Variants in LRP2 observed in about 807,000 individuals in gnomAD.
LRP2 encodes the protein low-density lipoprotein receptor-related protein 2.
In LRP2, 172 loss-of-function variants were observed where a neutral mutation model predicts 531.0. The observed-to-expected ratio is 0.32, with a 90% confidence interval of 0.29 to 0.37. The LOEUF (loss-of-function observed/expected upper bound fraction) is 0.37, where lower values mean the gene tolerates loss of function less well. Ranked by LOEUF, LRP2 falls within the 10% of genes least tolerant of loss-of-function variation. The pLI is 1.00. For synonymous variants in LRP2, 1,992 were observed against 2,027.6 expected, an observed-to-expected ratio of 0.98 and a Z score of 0.47; for missense variants, 5,167 against 5,868.3, an observed-to-expected ratio of 0.88 and a Z score of 3.90.
In LRP2 at chr2:169,173,909, A is replaced by G. The variant is rs890796156; in HGVS notation, c.11014+10T>C. 44 of 1,614,040 alleles carry G rather than the reference A, an allele frequency of 2.7e-5. No individual in the cohort carries two copies. The highest frequency in any genetic ancestry group is 3.3e-5 in the Non-Finnish European group (39 of 1,180,010). ...TCTGGTCATGCCTTGGTCCTCCCAC[A>G]GGAACTTACTGCATTCTTCAATGGG... On this transcript the variant is annotated intron_variant, in intron 56 of 78. Transcript: ENST00000649046.
chr2:169,217,412 G>A (rs564858569), intron 34 of LRP2, among the ~76,000 whole-genome samples: 1 of 152,094 alleles, frequency 6.6e-6, no homozygotes, highest in East Asian at 1.9e-4. Flanking sequence ...TTTCTTCCTT[G>A]CTTTAACTTT....
chr2:169,142,596 T>G, intron 71 of LRP2, 78 bp downstream of exon 71: 1 of 1,597,032 alleles, frequency 6.3e-7, no homozygotes, highest in Admixed American at 1.7e-5. Flanking sequence ...GGACCCAGCA[T>G]ACAGGGATTC....
chr2:169,152,742 A>G, intron 67 of LRP2, 57 bp downstream of exon 67: 1 of 1,592,746 alleles, frequency 6.3e-7, no homozygotes, highest in Non-Finnish European at 8.6e-7. Context: ...GGAGTGCAGT[A>G]GAGAACTCTA....
chr2:169,149,226 C>T (rs1686035174), intron 68 of LRP2, among the ~76,000 whole-genome samples: 2 of 152,208 alleles, frequency 1.3e-5, no homozygotes, highest in Admixed American at 6.5e-5. Context: ...AGCTGGCACA[C>T]AGCAAGAATA....
chr2:169,266,883 C>CTTTTTTTTTTTT (rs56044761), intron 16 of LRP2, among the ~76,000 whole-genome samples: 1 of 96,262 alleles, frequency 1.0e-5, no homozygotes, highest in Non-Finnish European at 2.1e-5. Context: ...CGTTTGTAAC[C>CTTTTTTTTTTTT]TTTTTTTTTT....
intron 61 of LRP2, among the ~76,000 whole-genome samples, chr2:169,166,344 A>G (rs1256755144): frequency 6.6e-6 from 1 of 152,208 alleles, no homozygotes; most frequent in East Asian, 1.9e-4. Context: ...ACTATGAAAC[A>G]TCTACTGGGG....
chr2:169,153,092 T>A (rs1414477163), intron 66 of LRP2, 128 bp from the exon 67 acceptor site: 9 of 849,446 alleles, frequency 1.1e-5, no homozygotes. Flanking sequence ...GTTGTTATAA[T>A]ATGAATAATT....
rs374477855 is a variant in LRP2, at chr2:169,168,105, C to G, written c.11635+434G>C. 2.8e-5 allele frequency among the ~76,000 whole-genome samples: 4 copies of G among 140,802 alleles called. No homozygotes were observed. In the East Asian group the frequency reaches 8.3e-4, roughly 29 times the overall value. The allele number at this position is 140,802 out of a possible 152,430, so 92.4% of individuals were successfully genotyped here. A position where few individuals can be genotyped will look rare whatever the true frequency, so the allele number is the denominator to read the frequency against. ...GAATTACCATGTTAAAAGGAAGTGACTGTAAAGATTAAGAAAGTCTTAGCA... is the reference window on the plus strand; with the variant it reads ...GAATTACCATGTTAAAAGGAAGTGAGTGTAAAGATTAAGAAAGTCTTAGCA... On this transcript the variant is annotated intron_variant, in intron 61 of 78. Coordinates refer to ENST00000649046, the MANE Select transcript of LRP2 (RefSeq NM_004525.3).
rs1688394113 is a variant in LRP2 at position 169,206,524 on chromosome 2, C to T, written c.7196G>A (p.Arg2399Lys). The T allele has an allele frequency of 6.2e-7, 1 of 1,614,064 alleles. No homozygotes were observed. The highest frequency in any genetic ancestry group is 1.3e-5 in the African/African-American group (1 of 74,906). ...GTTTTCAGGGTCCAAGTGTAAGCTT[C>T]TCAAGGAATTAGACAAGGCAAAGAT... ...FLIFALSNSL[R>K]SLHLDPENHS... The change falls in exon 39 of 79, where the codon AGA becomes AAA. Residue 2399 changes from arginine (R) to lysine (K), a missense_variant. By Grantham distance (26) the Arg-to-Lys change is conservative (BLOSUM62 2). Transcript: ENST00000649046.
At chr2:169,203,284 C>T (rs549748418) in intron 42 of LRP2, among the ~76,000 whole-genome samples, 1 of 152,204 alleles carries the variant, frequency 6.6e-6, no homozygotes, top group African/African-American at 2.4e-5. Flanking sequence ...CAATGAAGCA[C>T]ATATGATCCC....
chr2:169,225,506 A>C (rs1689169570), intron 32 of LRP2, 53 bp from the exon 33 acceptor site: 2 of 1,604,578 alleles, frequency 1.2e-6, no homozygotes, highest in Admixed American at 3.3e-5. Context: ...GGCTCCTACA[A>C]AAGAACCCTT....
chr2:169,204,343 G>C, intron 41 of LRP2, 72 bp from the exon 42 acceptor site: 1 of 1,355,972 alleles, frequency 7.4e-7, no homozygotes, highest in Non-Finnish European at 1.0e-6. Context: ...GCAGCCCAAT[G>C]CATGCGCCTC....
intron 27 of LRP2, 125 bp from the exon 28 acceptor site, chr2:169,237,412 A>AT (rs1474385624): frequency 2.6e-6 from 2 of 775,406 alleles, no homozygotes; most frequent in Non-Finnish European, 4.3e-6. Context: ...GGATTAGAAA[A>AT]TTTTGTCTCC....
intron 1 of LRP2, among the ~76,000 whole-genome samples, chr2:169,327,086 G>A (rs1298963091): frequency 6.7e-6 from 1 of 149,512 alleles, no homozygotes; most frequent in East Asian, 2.0e-4. Context: ...GAGGGAGGTG[G>A]GGGGGTCAGC....
At position 169,235,992 on chromosome 2, in the gene LRP2, T is replaced by C. The variant is rs778427168; in HGVS notation, c.4768A>G (p.Thr1590Ala). Residue 1590 changes from threonine (T) to alanine (A), a missense_variant, in exon 29 of 79, where the codon ACT (threonine) becomes GCT (alanine). Around this residue, in one of 6 missense-constraint regions of LRP2, gnomAD observed 2,811 missense variants for 3,058.0 expected, o/e 0.92. Transcript: ENST00000649046. The part of the protein sequence containing the change: ...ERASMDGSMR[T>A]VIVQDKIFWP... ...AAGATCTTGTCCTGGACAATGACAG[T>C]GCGCATGCTGCCGTCCATGCTGGCT... is the stretch of plus-strand genomic sequence containing the variant. 7 of 1,614,168 alleles carry C rather than the reference T, an allele frequency of 4.3e-6. No individual in the cohort carries two copies. The highest frequency in any genetic ancestry group is 5.1e-6 in the Non-Finnish European group (6 of 1,180,034).
At chr2:169,152,701 A>T in intron 67 of LRP2, 98 bp downstream of exon 67, 1 of 1,389,102 alleles carries the variant, frequency 7.2e-7, no homozygotes, top group Non-Finnish European at 1.0e-6. Context: ...GAGTGTACTC[A>T]TATCCAGGCC....
At position 169,188,008 on chromosome 2, in the gene LRP2, A is replaced by G. The variant is rs892125029; in HGVS notation, c.9290T>C (p.Leu3097Pro). The G allele has an allele frequency of 2.5e-6, 4 of 1,613,822 alleles. No individual in the cohort carries two copies. The highest frequency in any genetic ancestry group is 3.4e-6 in the Non-Finnish European group (4 of 1,179,984). ...ATCGCTGTTGTCCAAACAGTCATCT[A>G]GGTGGTTGCAGAGTTTCATCATCTC... ...CIEMMKLCNH[L>P]DDCLDNSDEK... Residue 3097 changes from leucine (L) to proline (P), a missense_variant, in exon 49 of 79, where the codon CTA becomes CCA. Physicochemically the swap from Leu to Pro is moderately conservative, Grantham distance 98. Transcript: ENST00000649046.
At chr2:169,280,320 T>C in intron 11 of LRP2, 30 bp downstream of exon 11, 2 of 1,613,352 alleles carry the variant, frequency 1.2e-6, no homozygotes, top group Non-Finnish European at 1.7e-6. Flanking sequence ...GTGCTCAGGG[T>C]TCCATTCAGC....
In LRP2 at chr2:169,165,988, T is replaced by C; in HGVS notation, c.11702A>G (p.Glu3901Gly). 2 of 1,613,998 alleles carry C rather than the reference T, an allele frequency of 1.2e-6. No homozygotes were observed. Among genetic ancestry groups the C allele is most frequent in the Non-Finnish European group, 1.7e-6 (2 of 1,179,884 alleles). Residue 3901 changes from glutamate (E) to glycine (G), a missense_variant, in exon 62 of 79, where the codon GAG becomes GGG. Physicochemically the swap from Glu to Gly is moderately conservative, Grantham distance 98. This residue lies in a region of LRP2 where 564 missense variants were observed against 747.7 expected (regional missense o/e 0.75). Transcript: ENST00000649046. ...CDNNRCIYSH[E>G]VCNGVDDCGD... ...ACAGTCATCCACACCATTGCACACC[T>C]CATGACTATAAATGCAGCGATTGTT...
Sources: gnomAD v4.1 joint callset for allele counts (sites outside exome capture counted in the v4.1 genomes callset) on GRCh38, gnomAD v4.1.1 for gene constraint, gnomAD v4.1.1 regional missense constraint, MANE v1.5 for transcripts, NCBI Gene and HGNC (gene_info 2026-07-23, HGNC 2026-07-21) for gene names.